Variants in ARMC2 observed in about 807,000 individuals in gnomAD.
ARMC2 encodes armadillo repeat-containing protein 2.
In ARMC2, 67 loss-of-function variants were observed where a neutral mutation model predicts 90.3. The observed-to-expected ratio is 0.74, with a 90% CI of 0.61 to 0.91. The LOEUF is 0.91. Ranked by LOEUF, ARMC2 falls within the 40% of genes least tolerant of loss-of-function variation. The pLI, the probability that ARMC2 is intolerant of heterozygous loss-of-function variation, is 0.00. For synonymous variants in ARMC2, 393 were observed against 393.0 expected, an observed-to-expected ratio of 1.00 and a Z score of 0.00; for missense variants, 920 against 1,030.9, an observed-to-expected ratio of 0.89 and a Z score of 1.47.
intron 8 of ARMC2, 132 bp downstream of exon 8, chr6:108,904,537 T>A: frequency 2.4e-6 from 2 of 841,498 alleles, no homozygotes; most frequent in Non-Finnish European, 3.4e-6. Flanking sequence ...AAAATTAAGG[T>A]AATAAACTGA....
intron 7 of ARMC2, among the ~76,000 whole-genome samples, chr6:108,903,848 A>G (rs1562371325): frequency 6.6e-6 from 1 of 152,204 alleles, no homozygotes. Flanking sequence ...AGAGCTATGC[A>G]AAAAAGAGTT....
intron 1 of ARMC2, among the ~76,000 whole-genome samples, chr6:108,849,011 T>C (rs964239270): frequency 6.6e-6 from 1 of 152,160 alleles, no homozygotes; most frequent in Non-Finnish European, 1.5e-5. Context: ...TAATATTTGT[T>C]GAATGAGAGT....
intron 17 of ARMC2, among the ~76,000 whole-genome samples, chr6:108,966,714 G>T (rs1046834122): frequency 9.9e-5 from 15 of 152,090 alleles, no homozygotes; most frequent in African/African-American, 3.4e-4. Context: ...TGCATGTTCA[G>T]GTTGCCTTAA....
the ARMC2 span, among the ~76,000 whole-genome samples, chr6:109,032,140 T>C: frequency 6.6e-6 from 1 of 152,030 alleles, no homozygotes; most frequent in Non-Finnish European, 1.5e-5. Flanking sequence ...GGCGTGGTGG[T>C]TCATGCCTGT....
At chr6:108,887,900 A>G (rs1278758899) in intron 5 of ARMC2, among the ~76,000 whole-genome samples, 2 of 152,208 alleles carry the variant, frequency 1.3e-5, no homozygotes, top group Non-Finnish European at 2.9e-5. Flanking sequence ...GCTTTGCCAA[A>G]TGCGGCACTG....
At chr6:109,023,131 C>CT in the ARMC2 span, among the ~76,000 whole-genome samples, 1 of 152,168 alleles carries the variant, frequency 6.6e-6, no homozygotes, top group Non-Finnish European at 1.5e-5. Flanking sequence ...TAAAAATGTT[C>CT]TATAACATCT....
intron 11 of ARMC2, among the ~76,000 whole-genome samples, chr6:108,928,853 C>T (rs890078407): frequency 2.6e-5 from 4 of 152,122 alleles, no homozygotes; most frequent in East Asian, 3.9e-4. Context: ...TGATTCTTCT[C>T]GGGAGCCTGA....
chr6:108,862,660 G>A (rs1775391600), intron 3 of ARMC2, among the ~76,000 whole-genome samples: 3 of 152,130 alleles, frequency 2.0e-5, no homozygotes, highest in African/African-American at 7.2e-5. Flanking sequence ...TAGGGGAAGG[G>A]AGAGGGAGTG....
At chr6:108,885,363 T>C (rs1777984331) in intron 5 of ARMC2, among the ~76,000 whole-genome samples, 1 of 152,114 alleles carries the variant, frequency 6.6e-6, no homozygotes, top group African/African-American at 2.4e-5. Context: ...ATTTCAAGTG[T>C]TTGTGTATAG....
intron 6 of ARMC2, among the ~76,000 whole-genome samples, chr6:108,896,285 C>T (rs141268005): frequency 6.6e-6 from 1 of 152,204 alleles, no homozygotes; most frequent in Non-Finnish European, 1.5e-5. Context: ...GAAATTTTTG[C>T]TTGACTTACC....
At chr6:108,865,584 A>G (rs1373384440) in intron 3 of ARMC2, among the ~76,000 whole-genome samples, 1 of 152,206 alleles carries the variant, frequency 6.6e-6, no homozygotes, top group Non-Finnish European at 1.5e-5. Flanking sequence ...AATTTTTATT[A>G]TATACAGTTA....
chr6:108,865,506 T>G (rs535815734), intron 3 of ARMC2, among the ~76,000 whole-genome samples: 11 of 152,354 alleles, frequency 7.2e-5, no homozygotes, highest in African/African-American at 2.6e-4. Flanking sequence ...ATATTCTAAG[T>G]AGTCCCATGA....
In ARMC2 at chr6:108,876,306, G is replaced by C. The variant is rs750564956; in HGVS notation, c.627G>C (p.Met209Ile). The change falls in exon 5 of 18, where the codon ATG becomes ATC. Residue 209 changes from methionine to isoleucine, a missense_variant. By Grantham distance (10) the Met-to-Ile change is conservative. Transcript: ENST00000392644. ...GGFSEIKEQE[M>I]FKGTTSLPSH... ...TCAGTGAAATAAAGGAGCAAGAAAT[G>C]TTCAAAGGAACAACATCTTTACCAT... is the stretch of plus-strand genomic sequence containing the variant. The C allele has an allele frequency of 1.4e-5, 23 of 1,611,994 alleles. No individual in the cohort carries two copies. Among genetic ancestry groups the C allele is most frequent in the Non-Finnish European group, 2.0e-5 (23 of 1,179,394 alleles).
intron 5 of ARMC2, among the ~76,000 whole-genome samples, chr6:108,877,905 G>C (rs1227488940): frequency 6.6e-6 from 1 of 152,152 alleles, no homozygotes; most frequent in Admixed American, 6.5e-5. Context: ...TGAGGCATTG[G>C]CAATAGCACT....
chr6:108,885,554 G>C (rs376653923), intron 5 of ARMC2, among the ~76,000 whole-genome samples: 1 of 151,860 alleles, frequency 6.6e-6, no homozygotes, highest in Non-Finnish European at 1.5e-5. Context: ...GCCAGGTGTA[G>C]TCCCGGCTAC....
At chr6:109,012,687 G>A in the ARMC2 span, among the ~76,000 whole-genome samples, 8 of 152,094 alleles carry the variant, frequency 5.3e-5, no homozygotes, top group Non-Finnish European at 1.0e-4. Context: ...TAGACACAGA[G>A]TTCTAAGTAA....
At chr6:108,953,569 TATTACTAAA>T (rs1777358272) in intron 13 of ARMC2, among the ~76,000 whole-genome samples, 2 of 152,204 alleles carry the variant, frequency 1.3e-5, no homozygotes, top group South Asian at 4.1e-4. Context: ...TAATAGAGAT[TATTACTAAA>T]ACCCACCAAA....
chr6:109,035,301 C>G, the ARMC2 span, among the ~76,000 whole-genome samples: 1 of 152,004 alleles, frequency 6.6e-6, no homozygotes, highest in African/African-American at 2.4e-5. Flanking sequence ...AAAACAGACC[C>G]CTAACTTCAG....
At chr6:109,006,618 T>C in the ARMC2 span, among the ~76,000 whole-genome samples, 1 of 152,174 alleles carries the variant, frequency 6.6e-6, no homozygotes, top group Non-Finnish European at 1.5e-5. Flanking sequence ...TCATTATTAT[T>C]CTTTTGAGCC....
Sources: gnomAD v4.1 joint callset for allele counts (sites outside exome capture counted in the v4.1 genomes callset) on GRCh38, gnomAD v4.1.1 for gene constraint, MANE v1.5 for transcripts, NCBI Gene and HGNC (gene_info 2026-07-23, HGNC 2026-07-21) for gene names.